Variants in SNX3 observed in about 807,000 individuals in gnomAD.
SNX3 encodes the protein sorting nexin 3.
In SNX3, 5 loss-of-function variants were observed where a neutral mutation model predicts 17.7. That is an observed-to-expected ratio of 0.28 (90% confidence interval 0.15 to 0.59). The LOEUF (loss-of-function observed/expected upper bound fraction) is 0.59. SNX3 is among the 20% of genes least tolerant of loss of function. The pLI is 0.88. For missense variants in SNX3, 132 were observed against 206.8 expected (o/e 0.64, Z 2.22); for synonymous variants, 91 against 76.5 (o/e 1.19, Z -0.99).
intron 1 of SNX3, among the ~76,000 whole-genome samples, chr6:108,244,396 C>T (rs1333083371): frequency 6.6e-6 from 1 of 152,160 alleles, no homozygotes; most frequent in Non-Finnish European, 1.5e-5. Flanking sequence ...CTCAAGTGAT[C>T]CTCCTGCTTT....
intron 2 of SNX3, among the ~76,000 whole-genome samples, chr6:108,215,001 A>G (rs1436484211): frequency 6.6e-6 from 1 of 152,194 alleles, no homozygotes; most frequent in Non-Finnish European, 1.5e-5. Context: ...ATCAAAATCA[A>G]CTCTCAATTA....
At chr6:108,236,986 A>G (rs1349300446) in intron 1 of SNX3, among the ~76,000 whole-genome samples, 1 of 152,212 alleles carries the variant, frequency 6.6e-6, no homozygotes, top group Non-Finnish European at 1.5e-5. Flanking sequence ...TTGTTCTAAC[A>G]GTCTGACAGT....
chr6:108,259,856 T>A (rs1453613881), intron 1 of SNX3, among the ~76,000 whole-genome samples: 1 of 152,248 alleles, frequency 6.6e-6, no homozygotes, highest in Non-Finnish European at 1.5e-5. Flanking sequence ...TACACTTAAC[T>A]TTTAATAATT....
At chr6:108,258,940 T>G (rs1240711959) in intron 1 of SNX3, among the ~76,000 whole-genome samples, 1 of 151,862 alleles carries the variant, frequency 6.6e-6, no homozygotes, top group East Asian at 1.9e-4. Flanking sequence ...TCAAAGTAAG[T>G]GGAGGAAGTG....
At chr6:108,239,742 T>C (rs1775461760) in intron 1 of SNX3, among the ~76,000 whole-genome samples, 1 of 152,214 alleles carries the variant, frequency 6.6e-6, no homozygotes, top group South Asian at 2.1e-4. Flanking sequence ...AGTCACACTA[T>C]GGTTATAGTA....
At chr6:108,236,683 C>T (rs551771616) in intron 1 of SNX3, among the ~76,000 whole-genome samples, 3 of 152,088 alleles carry the variant, frequency 2.0e-5, no homozygotes, top group Admixed American at 6.6e-5. Flanking sequence ...CCACCGTGCC[C>T]GGCTTCCACC....
At chr6:108,227,241 C>T (rs563607328) in intron 1 of SNX3, among the ~76,000 whole-genome samples, 8 of 152,280 alleles carry the variant, frequency 5.3e-5, no homozygotes, top group South Asian at 2.1e-4. Flanking sequence ...TGAGATTTTA[C>T]ATTCTGAATT....
chr6:108,218,527 G>C, intron 2 of SNX3, among the ~76,000 whole-genome samples: 1 of 152,160 alleles, frequency 6.6e-6, no homozygotes, highest in Non-Finnish European at 1.5e-5. Context: ...GGTATATACT[G>C]AAAAGAAATG....
intron 1 of SNX3, among the ~76,000 whole-genome samples, chr6:108,237,297 C>G (rs970419443): frequency 6.6e-6 from 1 of 152,166 alleles, no homozygotes; most frequent in African/African-American, 2.4e-5. Flanking sequence ...ATACCTTCCC[C>G]TCTACTCTGA....
Position 108,231,739 on chromosome 6 carries a change from C to T in SNX3, c.163-8694G>A, listed in dbSNP as rs148776272. On this transcript the variant is annotated intron_variant, in intron 1 of 3. Coordinates refer to ENST00000230085, the MANE Select transcript of SNX3 (RefSeq NM_003795.6). ...TTAGAATTTGCCTAGCTAATTCGAA[C>T]TTACAGAACTATCAGACCACAAAAT... 7.7e-3 allele frequency among the ~76,000 whole-genome samples: 1,171 copies of T among 152,300 alleles called. 16 individuals carry two copies. The highest frequency in any genetic ancestry group is 0.027 in the African/African-American group (1,115 of 41,560).
chr6:108,237,287 A>G (rs1224281918), intron 1 of SNX3, among the ~76,000 whole-genome samples: 4 of 152,220 alleles, frequency 2.6e-5, no homozygotes, highest in Middle Eastern at 3.4e-3. Context: ...CCACCTTCCA[A>G]TACCTTCCCC....
At chr6:108,236,445 G>A (rs868527597) in intron 1 of SNX3, among the ~76,000 whole-genome samples, 7 of 147,522 alleles carry the variant, frequency 4.7e-5, no homozygotes, top group Admixed American at 1.4e-4. Flanking sequence ...GTGCAGTGGC[G>A]GGATCTCGGC....
intron 1 of SNX3, among the ~76,000 whole-genome samples, chr6:108,242,800 C>T (rs552671424): frequency 3.3e-5 from 5 of 152,278 alleles, no homozygotes; most frequent in African/African-American, 7.2e-5. Flanking sequence ...TAAAAGGGGG[C>T]TTTAGTCTTC....
chr6:108,231,931 A>T (rs1377199964), intron 1 of SNX3, among the ~76,000 whole-genome samples: 5 of 152,216 alleles, frequency 3.3e-5, no homozygotes, highest in Admixed American at 3.3e-4. Flanking sequence ...GATTTAATAA[A>T]CAGAATTAAA....
Position 108,259,063 on chromosome 6 carries a change from A to G in SNX3, c.162+1697T>C, listed in dbSNP as rs566756991. ...AAGAAAGAAAAAAAAAGAAAATACTAGTGAATAGGGCAAAAGAGGAAGTTC... is the reference window on the plus strand; with the variant it reads ...AAGAAAGAAAAAAAAAGAAAATACTGGTGAATAGGGCAAAAGAGGAAGTTC... On this transcript the variant is annotated intron_variant, in intron 1 of 3. Coordinates refer to ENST00000230085, the MANE Select transcript of SNX3 (RefSeq NM_003795.6). Among the ~76,000 whole-genome samples, 86 of 152,272 alleles carry G rather than the reference A, an allele frequency of 5.6e-4. 1 individual carries two copies. Among genetic ancestry groups the G allele is most frequent in the African/African-American group, 2.0e-3 (82 of 41,540 alleles).
In SNX3 at chr6:108,237,968, G is replaced by A. The variant is rs1462920634; in HGVS notation, c.163-14923C>T. On this transcript the variant is annotated intron_variant, in intron 1 of 3. Transcript: ENST00000230085. ...CAAAATTAGCCCGGCATGGTGGCAC[G>A]CGCCTGTAGTCTCAGCTACTCGGGA... Among the ~76,000 whole-genome samples, 5 of 151,390 alleles carry A rather than the reference G, an allele frequency of 3.3e-5. No individual in the cohort carries two copies. In the South Asian group the frequency reaches 6.3e-4, roughly 19 times the overall value.
At chr6:108,227,825 T>TTTG (rs975025838) in intron 1 of SNX3, among the ~76,000 whole-genome samples, 95 of 151,974 alleles carry the variant, frequency 6.3e-4, no homozygotes, top group African/African-American at 2.2e-3. Context: ...GTTTTTTTTT[T>TTTG]TTGTTGTTGT....
chr6:108,260,703 G>A (rs1262582186), intron 1 of SNX3, 57 bp downstream of exon 1: 1 of 1,600,346 alleles, frequency 6.2e-7, no homozygotes, highest in Non-Finnish European at 8.5e-7. Flanking sequence ...CGGGTCGAGT[G>A]GGGGTGACCA....
chr6:108,241,208 GGA>G (rs1775513687), intron 1 of SNX3, among the ~76,000 whole-genome samples: 1 of 150,522 alleles, frequency 6.6e-6, no homozygotes, highest in Non-Finnish European at 1.5e-5. Flanking sequence ...ATGCTCAGCT[GGA>G]GAGAACCCTA....
Sources: allele counts gnomAD v4.1 joint callset (sites outside exome capture counted in the v4.1 genomes callset), GRCh38; gene constraint gnomAD v4.1.1; transcripts MANE v1.5; gene names NCBI Gene and HGNC (gene_info 2026-07-23, HGNC 2026-07-21).